B4GALT6: variants seen among roughly 807,000 people sequenced by gnomAD.
B4GALT6 encodes the protein UDP-Gal:beta-GlcNAc beta-1,4-galactosyltransferase 6.
In B4GALT6, 14 loss-of-function variants were observed where a neutral mutation model predicts 46.3. That is an observed-to-expected ratio of 0.30 (90% confidence interval 0.20 to 0.47). The LOEUF is 0.47. Among genes scored for constraint, B4GALT6 ranks in the 20% least tolerant of loss-of-function variants. B4GALT6 has a pLI of 0.99. For synonymous variants in B4GALT6, 168 were observed against 162.0 expected (o/e 1.04, Z -0.28); for missense variants, 386 against 480.1 (o/e 0.80, Z 1.83).
rs145267075 is a variant in B4GALT6, at chr18:31,676,175, ATTAAC to A, written c.115+8132_115+8136del. ...AATTAGAAGTCATAATTTCTGAGCA[ATTAAC>A]TTAATTATCAGGAAGGCAATACACG... On this transcript the variant is annotated intron_variant, in intron 1 of 8. Transcript: ENST00000306851. 6.2e-3 allele frequency among the ~76,000 whole-genome samples: 950 copies of A among 152,294 alleles called. 12 individuals carry two copies. The highest frequency in any genetic ancestry group is 0.022 in the African/African-American group (907 of 41,584).
intron 5 of B4GALT6, among the ~76,000 whole-genome samples, chr18:31,631,836 C>T (rs2073795671): frequency 5.9e-5 from 9 of 152,150 alleles, no homozygotes; most frequent in Admixed American, 5.9e-4. Context: ...CAAAGCCCAA[C>T]TTCCTTTATT....
chr18:31,665,895 G>C (rs566665458), intron 2 of B4GALT6, among the ~76,000 whole-genome samples: 1 of 152,238 alleles, frequency 6.6e-6, no homozygotes, highest in Admixed American at 6.5e-5. Flanking sequence ...AACAACTTAG[G>C]AACTAGAATG....
At chr18:31,630,523 G>C (rs2073774039) in intron 6 of B4GALT6, among the ~76,000 whole-genome samples, 1 of 152,038 alleles carries the variant, frequency 6.6e-6, no homozygotes. Context: ...CACTGGGGGA[G>C]AGCAGGCAGG....
chr18:31,712,342 A>G, the B4GALT6 span, among the ~76,000 whole-genome samples: 1 of 119,354 alleles, frequency 8.4e-6, no homozygotes, highest in Admixed American at 1.2e-4. Flanking sequence ...TCACTCTGTC[A>G]CCCAGGCTGG....
chr18:31,681,503 C>G (rs55831622), intron 1 of B4GALT6, among the ~76,000 whole-genome samples: 20,030 of 152,182 alleles, frequency 0.13, 1,445 homozygotes, highest in African/African-American at 0.18. Context: ...TTAGACACTT[C>G]AAGAAAAATG....
chr18:31,675,689 T>C (rs982904757), intron 1 of B4GALT6, among the ~76,000 whole-genome samples: 1 of 152,058 alleles, frequency 6.6e-6, no homozygotes, highest in African/African-American at 2.4e-5. Flanking sequence ...GAAGGAAGAA[T>C]GCAGGAAATT....
the B4GALT6 span, among the ~76,000 whole-genome samples, chr18:31,707,710 C>T: frequency 1.7e-3 from 258 of 152,168 alleles, no homozygotes; most frequent in African/African-American, 6.0e-3. Flanking sequence ...AAATTTCCCC[C>T]CCACATTATG....
intron 4 of B4GALT6, among the ~76,000 whole-genome samples, chr18:31,642,455 G>C (rs1453460177): frequency 6.6e-6 from 1 of 152,192 alleles, no homozygotes; most frequent in East Asian, 1.9e-4. Flanking sequence ...GGGTAGACAA[G>C]AGCATCAAGC....
Position 31,630,258 on chromosome 18 carries a change from CAACA to C in B4GALT6, c.776+697_776+700del, listed in dbSNP as rs145501160. Among the ~76,000 whole-genome samples, 1,048 of 152,274 alleles carry C rather than the reference CAACA, an allele frequency of 6.9e-3. 14 individuals are homozygous for C. The highest frequency in any genetic ancestry group is 0.024 in the African/African-American group (993 of 41,544). ...ACAGGCAACATCTTCCTGCCCTAAG[CAACA>C]AACAGATTTTCTCTCTACTCCCATT... On this transcript the variant is annotated intron_variant, in intron 6 of 8. Transcript: ENST00000306851.
the B4GALT6 span, among the ~76,000 whole-genome samples, chr18:31,710,618 C>G: frequency 6.6e-6 from 1 of 152,076 alleles, no homozygotes; most frequent in Non-Finnish European, 1.5e-5. Flanking sequence ...CCCTCGTAGC[C>G]ACCAGAGGAA....
At chr18:31,696,291 G>A in the B4GALT6 span, among the ~76,000 whole-genome samples, 26 of 152,132 alleles carry the variant, frequency 1.7e-4, no homozygotes, top group Non-Finnish European at 3.2e-4. Flanking sequence ...TCCATCATAC[G>A]CGTATTTGGC....
intron 3 of B4GALT6, among the ~76,000 whole-genome samples, chr18:31,654,828 A>G (rs2074118363): frequency 6.6e-6 from 1 of 152,220 alleles, no homozygotes; most frequent in South Asian, 2.1e-4. Flanking sequence ...CTATTATAAG[A>G]TTTTATACTT....
At chr18:31,657,155 C>T (rs2074150192) in intron 3 of B4GALT6, among the ~76,000 whole-genome samples, 1 of 152,114 alleles carries the variant, frequency 6.6e-6, no homozygotes, top group African/African-American at 2.4e-5. Flanking sequence ...CCCTCAAGTA[C>T]ACATGCATAT....
chr18:31,662,575 G>C (rs77141763), intron 2 of B4GALT6, among the ~76,000 whole-genome samples: 1,559 of 152,298 alleles, frequency 0.01, 39 homozygotes, highest in East Asian at 0.1. Context: ...GGGCGTAGTG[G>C]CTCATGCCTG....
At chr18:31,701,687 C>A in the B4GALT6 span, among the ~76,000 whole-genome samples, 1 of 152,054 alleles carries the variant, frequency 6.6e-6, no homozygotes, top group Non-Finnish European at 1.5e-5. Flanking sequence ...AAGTGTGAAT[C>A]TTTCTATTGT....
At chr18:31,626,038 T>A (rs766623621) in intron 8 of B4GALT6, among the ~76,000 whole-genome samples, 17 of 152,230 alleles carry the variant, frequency 1.1e-4, no homozygotes, top group Non-Finnish European at 2.2e-4. Context: ...TACTTTTACA[T>A]AAATAGTTAA....
At chr18:31,684,667 GGGGGAGA>G, upstream of B4GALT6, 1 of 1,191,564 alleles carries the variant, frequency 8.4e-7, no homozygotes, top group Non-Finnish European at 1.1e-6. Context: ...AGAGGTGGAG[GGGGGAGA>G]GGGGACTGGG....
intron 2 of B4GALT6, among the ~76,000 whole-genome samples, chr18:31,660,266 A>T (rs556692969): frequency 5.3e-5 from 8 of 152,094 alleles, no homozygotes; most frequent in Non-Finnish European, 1.2e-4. Flanking sequence ...TTAAATATAT[A>T]TATCTACATA....
chr18:31,684,595 G>A (rs1598940785), upstream of B4GALT6: 7 of 1,376,804 alleles, frequency 5.1e-6, no homozygotes, highest in African/African-American at 1.5e-5. Flanking sequence ...ATGGGAGGGA[G>A]CGGACGGAAT....
Sources: gnomAD v4.1 joint callset for allele counts (sites outside exome capture counted in the v4.1 genomes callset) on GRCh38, gnomAD v4.1.1 for gene constraint, MANE v1.5 for transcripts, NCBI Gene and HGNC (gene_info 2026-07-23, HGNC 2026-07-21) for gene names.